Variants in ST7 observed in about 807,000 individuals in gnomAD.
The protein encoded by ST7 is suppressor of tumorigenicity 7 protein.
Under a neutral mutation model 78.7 loss-of-function variants are expected in ST7, and 28 were observed. The observed-to-expected ratio is 0.36, with a 90% confidence interval of 0.26 to 0.49. The LOEUF is 0.49. Ranked by LOEUF, ST7 falls within the 20% of genes least tolerant of loss-of-function variation. The pLI is 0.99. For missense variants in ST7, 418 were observed against 696.0 expected (o/e 0.60, Z 4.49); for synonymous variants, 247 against 249.6 (o/e 0.99, Z 0.10).
intron 15 of ST7, among the ~76,000 whole-genome samples, chr7:117,226,102 C>T (rs182639392): frequency 2.3e-4 from 35 of 152,214 alleles, no homozygotes; most frequent in Admixed American, 3.9e-4. Context: ...TTATAGTCCT[C>T]GACCTCTTTG....
intron 2 of ST7, among the ~76,000 whole-genome samples, chr7:117,103,523 G>T (rs1801722539): frequency 6.6e-6 from 1 of 152,194 alleles, no homozygotes; most frequent in Admixed American, 6.5e-5. Context: ...TTCAATAAAT[G>T]TGCTGGAAAA....
intron 12 of ST7, chr7:117,198,231 C>T (rs1323219949): frequency 1.0e-5 from 4 of 396,030 alleles, no homozygotes; most frequent in Non-Finnish European, 2.0e-5. Context: ...GAAATTACAT[C>T]GTGTAATTCA....
At chr7:117,027,463 A>AAAAGTAAAGTAAAGTAAAGTAAAGT (rs71148357) in intron 1 of ST7, among the ~76,000 whole-genome samples, 40,814 of 140,572 alleles carry the variant, frequency 0.29, 6,685 homozygotes, top group Middle Eastern at 0.36. Flanking sequence ...AAAGTAAAGT[A>AAAAGTAAAGTAAAGTAAAGTAAAGT]AAAGTAAAGT....
At chr7:116,993,968 C>T (rs1172661166) in intron 1 of ST7, among the ~76,000 whole-genome samples, 1 of 152,106 alleles carries the variant, frequency 6.6e-6, no homozygotes, top group Non-Finnish European at 1.5e-5. Context: ...AGGTAGATGC[C>T]TAATTTCTTA....
At chr7:117,020,355 T>G in intron 1 of ST7, 1 of 475,546 alleles carries the variant, frequency 2.1e-6, no homozygotes, top group Admixed American at 3.7e-5. Flanking sequence ...TAGTGGATTT[T>G]CAAAAGCAGC....
chr7:117,207,195 A>G (rs908860627), intron 12 of ST7, among the ~76,000 whole-genome samples: 1 of 149,882 alleles, frequency 6.7e-6, no homozygotes, highest in Admixed American at 6.7e-5. Flanking sequence ...CCCAGGCTGG[A>G]GTGCAGTGGC....
At chr7:117,090,080 C>A (rs1394152371) in intron 1 of ST7, among the ~76,000 whole-genome samples, 3 of 152,104 alleles carry the variant, frequency 2.0e-5, no homozygotes, top group Non-Finnish European at 4.4e-5. Flanking sequence ...CCTTAACTAT[C>A]CCACATGACT....
chr7:117,151,544 A>C (rs1450836868), intron 9 of ST7, among the ~76,000 whole-genome samples: 1 of 151,680 alleles, frequency 6.6e-6, no homozygotes, highest in Non-Finnish European at 1.5e-5. Context: ...CACACACACT[A>C]TTTTTTTCTT....
At chr7:117,005,455 C>T (rs1349003311) in intron 1 of ST7, among the ~76,000 whole-genome samples, 3 of 152,196 alleles carry the variant, frequency 2.0e-5, no homozygotes, top group African/African-American at 4.8e-5. Flanking sequence ...GTTTTCCTCT[C>T]TGCCTTCATA....
chr7:117,176,055 T>C (rs1275386907), intron 10 of ST7, among the ~76,000 whole-genome samples: 12 of 152,198 alleles, frequency 7.9e-5, no homozygotes, highest in Admixed American at 2.6e-4. Flanking sequence ...GGATTTTTAC[T>C]CCTGATCAAA....
At chr7:116,978,009 T>G (rs912769205) in intron 1 of ST7, among the ~76,000 whole-genome samples, 3 of 152,232 alleles carry the variant, frequency 2.0e-5, no homozygotes, top group Non-Finnish European at 4.4e-5. Context: ...TTCTCATTTC[T>G]CACTTCTCTC....
intron 1 of ST7, among the ~76,000 whole-genome samples, chr7:117,082,262 A>G (rs1038086998): frequency 1.3e-5 from 2 of 152,196 alleles, no homozygotes; most frequent in African/African-American, 2.4e-5. Context: ...ATCACACTTG[A>G]TATCTGAACC....
At chr7:117,140,297 G>T (rs893956441) in intron 9 of ST7, among the ~76,000 whole-genome samples, 1 of 152,150 alleles carries the variant, frequency 6.6e-6, no homozygotes, top group African/African-American at 2.4e-5. Flanking sequence ...CACTAAGCAG[G>T]AGTCAAAACA....
At chr7:117,208,187 GT>G (rs1182399743) in intron 12 of ST7, among the ~76,000 whole-genome samples, 2 of 152,082 alleles carry the variant, frequency 1.3e-5, no homozygotes, top group Non-Finnish European at 2.9e-5. Flanking sequence ...GTCTTGCACT[GT>G]TTTAAAACAA....
intron 1 of ST7, among the ~76,000 whole-genome samples, chr7:116,991,278 G>A (rs936782189): frequency 9.9e-5 from 15 of 152,156 alleles, no homozygotes; most frequent in African/African-American, 2.4e-4. Context: ...CTGCTTGAAT[G>A]TGGGGAGGCA....
intron 1 of ST7, chr7:117,023,144 G>A (rs1330971932): frequency 6.6e-6 from 1 of 152,074 alleles, no homozygotes; most frequent in Admixed American, 6.5e-5. Context: ...TTGATTTTAT[G>A]TTTCAGACCT....
At chr7:117,050,823 G>A (rs541451372) in intron 1 of ST7, among the ~76,000 whole-genome samples, 3 of 152,012 alleles carry the variant, frequency 2.0e-5, no homozygotes, top group Admixed American at 1.3e-4. Context: ...CCAGCTACTC[G>A]GGAGGCTGAG....
At chr7:116,998,446 C>T (rs367886033) in intron 1 of ST7, among the ~76,000 whole-genome samples, 8 of 152,230 alleles carry the variant, frequency 5.3e-5, no homozygotes, top group Non-Finnish European at 7.3e-5. Flanking sequence ...GGGGCTCCCA[C>T]GGTGCAGCGG....
chr7:117,031,740 GTGTATATATATGCA>G lies in ST7; in HGVS notation c.152-68020_152-68007del, dbSNP rs1455990288. On this transcript the variant is annotated intron_variant, in intron 1 of 15. Coordinates refer to ENST00000323984, the MANE Select transcript of ST7 (RefSeq NM_001369598.1). ...TATATATGCATATATATGCATATAT[GTGTATATATATGCA>G]TATATGTGTATATATATGCATATAT... 1.0e-3 allele frequency among the ~76,000 whole-genome samples: 4 copies of G among 3,834 alleles called. 2 individuals carry two copies. The highest frequency in any genetic ancestry group is 3.8e-3 in the East Asian group (2 of 532). 2.5% of individuals were successfully genotyped at this position (3,834 alleles called of 152,430 possible).
Sources: allele counts gnomAD v4.1 joint callset (sites outside exome capture counted in the v4.1 genomes callset), GRCh38; gene constraint gnomAD v4.1.1; transcripts MANE v1.5; gene names NCBI Gene and HGNC (gene_info 2026-07-23, HGNC 2026-07-21).